PMP22: variants seen among roughly 807,000 people sequenced by gnomAD.
PMP22 encodes the protein Charcot-Marie-Tooth neuropathy 1A (greatly reduced nerve conduction velocity, hereditary motor sensory neuropathy Ia).
In PMP22, 2 loss-of-function variants were observed where a neutral mutation model predicts 18.9. The observed-to-expected ratio is 0.11, with a 90% CI of 0.04 to 0.33. PMP22 has a LOEUF of 0.33. PMP22 is among the 10% of genes least tolerant of loss of function. The pLI is 1.00. For synonymous variants in PMP22, 95 were observed against 89.2 expected (o/e 1.07, Z -0.37); for missense variants, 169 against 202.2 (o/e 0.84, Z 1.00).
At chr17:15,234,118 G>A (rs1906589598) in intron 4 of PMP22, among the ~76,000 whole-genome samples, 1 of 152,160 alleles carries the variant, frequency 6.6e-6, no homozygotes, top group Non-Finnish European at 1.5e-5. Flanking sequence ...TCAAGACAAA[G>A]AAATGGGCGT....
At chr17:15,244,821 G>A (rs1482812551) in intron 3 of PMP22, among the ~76,000 whole-genome samples, 1 of 152,240 alleles carries the variant, frequency 6.6e-6, no homozygotes, top group South Asian at 2.1e-4. Context: ...AACTACTGTT[G>A]CAACGAAGAA....
chr17:15,244,330 A>T (rs564302641), intron 3 of PMP22, among the ~76,000 whole-genome samples: 69 of 152,200 alleles, frequency 4.5e-4, no homozygotes, highest in African/African-American at 1.6e-3. Flanking sequence ...AATAATAATA[A>T]TATTATTATT....
chr17:15,230,989 G>T lies in PMP22; in HGVS notation c.411C>A (p.Ile137=). 1.9e-6 allele frequency: 3 copies of T among 1,614,158 alleles called. No homozygotes were observed. The highest frequency in any genetic ancestry group is 1.7e-6 in the Non-Finnish European group (2 of 1,180,010). ...CCAGGGGGAAGGCCACCCAGGCCAG[G>T]ATGTAGGCGAAACCGTAGGAGTAAT... ...NSDYSYGFAY[I]LAWVAFPLAL... is the part of the protein sequence containing the mutation. The change falls in exon 5 of 5, where the codon ATC becomes ATA. Residue 137 remains isoleucine (I), a synonymous_variant. Coordinates refer to ENST00000312280, the MANE Select transcript of PMP22 (RefSeq NM_000304.4).
At chr17:15,260,959 G>C (rs1909289371) in intron 1 of PMP22, 198 bp from the exon 2 acceptor site, 2 of 354,076 alleles carry the variant, frequency 5.6e-6, no homozygotes, top group Non-Finnish European at 5.0e-6. Flanking sequence ...CCAGCGCCCA[G>C]TGCCCAGCGC....
intron 3 of PMP22, among the ~76,000 whole-genome samples, chr17:15,253,952 G>A (rs1458576270): frequency 6.6e-6 from 1 of 152,200 alleles, no homozygotes; most frequent in Non-Finnish European, 1.5e-5. Flanking sequence ...CTTAGCACCT[G>A]CAATAGTCTC....
chr17:15,244,873 T>C (rs896168474), intron 3 of PMP22, among the ~76,000 whole-genome samples: 22 of 152,226 alleles, frequency 1.4e-4, no homozygotes, highest in African/African-American at 5.1e-4. Flanking sequence ...TATTTTCATG[T>C]ATTATAATAC....
At chr17:15,256,817 T>C (rs184101456) in intron 3 of PMP22, among the ~76,000 whole-genome samples, 16 of 152,328 alleles carry the variant, frequency 1.1e-4, no homozygotes, top group Middle Eastern at 3.4e-3. Context: ...GCAGCCACAA[T>C]TGTTAAACTC....
intron 3 of PMP22, among the ~76,000 whole-genome samples, chr17:15,243,270 T>C (rs1597612919): frequency 6.6e-6 from 1 of 152,256 alleles, no homozygotes; most frequent in Non-Finnish European, 1.5e-5. Flanking sequence ...CAAATTTTAT[T>C]CAAGTACATA....
intron 3 of PMP22, among the ~76,000 whole-genome samples, chr17:15,255,055 G>A (rs1236207137): frequency 6.6e-6 from 1 of 152,190 alleles, no homozygotes; most frequent in African/African-American, 2.4e-5. Context: ...AAGAGCCCAT[G>A]TGAGAATGGT....
At chr17:15,240,533 T>C (rs1178931438) in intron 3 of PMP22, among the ~76,000 whole-genome samples, 2 of 150,686 alleles carry the variant, frequency 1.3e-5, no homozygotes. Flanking sequence ...GAACCCCAAA[T>C]CTCCAAGCTT....
chr17:15,246,603 C>T (rs575949700), intron 3 of PMP22, among the ~76,000 whole-genome samples: 8 of 152,354 alleles, frequency 5.3e-5, no homozygotes, highest in East Asian at 1.9e-4. Flanking sequence ...CTCTTCCCCA[C>T]GCCCCACCCA....
chr17:15,233,820 C>T lies in PMP22; in HGVS notation c.320-2740G>A, dbSNP rs139347664. 1.4e-3 allele frequency among the ~76,000 whole-genome samples: 217 copies of T among 152,290 alleles called. 1 individual carries two copies. The highest frequency in any genetic ancestry group is 4.5e-3 in the African/African-American group (189 of 41,548). On this transcript the variant is annotated intron_variant, in intron 4 of 4. Transcript: ENST00000312280. ...GCACCAGATGCCCCAAGAGCATAGA[C>T]GGGCGCTGAGTCCAAACTGGAGAAC...
chr17:15,260,612 G>A, intron 2 of PMP22, 38 bp downstream of exon 2: 1 of 1,524,230 alleles, frequency 6.6e-7, no homozygotes, highest in Non-Finnish European at 8.9e-7. Context: ...GATGGGGAAG[G>A]GCGGGCCGCG....
intron 3 of PMP22, among the ~76,000 whole-genome samples, chr17:15,253,625 C>T (rs893459464): frequency 3.3e-5 from 5 of 151,990 alleles, no homozygotes; most frequent in African/African-American, 1.2e-4. Flanking sequence ...GTGGGGGGTA[C>T]CTTTGAGATG....
chr17:15,248,035 T>A (rs1179984664), intron 3 of PMP22, among the ~76,000 whole-genome samples: 1 of 152,228 alleles, frequency 6.6e-6, no homozygotes, highest in African/African-American at 2.4e-5. Flanking sequence ...CAGAAATAGC[T>A]GAGTCTCTGA....
At chr17:15,243,321 A>C (rs922348714) in intron 3 of PMP22, among the ~76,000 whole-genome samples, 1 of 152,152 alleles carries the variant, frequency 6.6e-6, no homozygotes, top group Admixed American at 6.5e-5. Flanking sequence ...CTGGATAGAA[A>C]CACTCAAAGT....
rs753760744 is a variant in PMP22 at position 15,259,045 on chromosome 17, T to C, written c.178+49A>G. 3.0e-6 allele frequency: 4 copies of C among 1,326,070 alleles called. No homozygotes were observed. The South Asian group carries it at 4.8e-5, about 16-fold the overall frequency. 82.1% of individuals were successfully genotyped at this position (1,326,070 alleles called of 1,614,324 possible). ...GTTTCCAGCTCTGGGCTGAGAAACGTGTTACAGGCGTCTGAGGACAAGCTC... is the reference window on the plus strand; with the variant it reads ...GTTTCCAGCTCTGGGCTGAGAAACGCGTTACAGGCGTCTGAGGACAAGCTC... On this transcript the variant is annotated intron_variant, in intron 3 of 4. Transcript: ENST00000312280.
intron 3 of PMP22, among the ~76,000 whole-genome samples, chr17:15,254,146 G>C (rs561513858): frequency 6.6e-6 from 1 of 152,198 alleles, no homozygotes; most frequent in Non-Finnish European, 1.5e-5. Flanking sequence ...GGTAGATTCC[G>C]ATGGGCCTTG....
chr17:15,264,065 T>C (rs1909545126), intron 1 of PMP22, among the ~76,000 whole-genome samples: 1 of 151,850 alleles, frequency 6.6e-6, no homozygotes, highest in Non-Finnish European at 1.5e-5. Flanking sequence ...AGACAATATG[T>C]ACAAAGCAGT....
Sources: gnomAD v4.1 joint callset for allele counts (sites outside exome capture counted in the v4.1 genomes callset) on GRCh38, gnomAD v4.1.1 for gene constraint, MANE v1.5 for transcripts, NCBI Gene and HGNC (gene_info 2026-07-23, HGNC 2026-07-21) for gene names.